The following DLGAP1 variants were observed in gnomAD, a reference collection of about 807,000 sequenced individuals.
DLGAP1 encodes the protein disks large-associated protein 1.
DLGAP1 carries 11 observed loss-of-function variants against 90.8 expected under a neutral mutation model. That is an observed-to-expected ratio of 0.12 (90% CI 0.08 to 0.20). The LOEUF (loss-of-function observed/expected upper bound fraction) is 0.20. Among genes scored for constraint, DLGAP1 ranks in the 10% least tolerant of loss-of-function variants. The pLI, the probability that DLGAP1 is intolerant of heterozygous loss-of-function variation, is 1.00. For synonymous variants in DLGAP1, 558 were observed against 540.7 expected, an observed-to-expected ratio of 1.03 and a Z score of -0.44; for missense variants, 1,050 against 1,333.8, an observed-to-expected ratio of 0.79 and a Z score of 3.31.
chr18:4,148,084 A>G (rs536448885), intron 2 of DLGAP1, among the ~76,000 whole-genome samples: 79 of 152,318 alleles, frequency 5.2e-4, no homozygotes, highest in African/African-American at 1.9e-3. Flanking sequence ...TTATCACTAG[A>G]GACAGAAACT....
rs2082052766 is a variant in DLGAP1, at chr18:4,378,230, G to C, written c.-267+76776C>G. Among the ~76,000 whole-genome samples the C allele has an allele frequency of 6.6e-6, 1 of 151,354 alleles. No individual in the cohort carries two copies. The highest frequency in any genetic ancestry group is 2.1e-4 in the South Asian group (1 of 4,814). Reference sequence around the variant, plus strand: ...AATGGGGGAGGTGTGGAATGGGGAAGCCAGGAAAGAGGTAAGAATAAAAGT... The same window carrying C: ...AATGGGGGAGGTGTGGAATGGGGAACCCAGGAAAGAGGTAAGAATAAAAGT... On this transcript the variant is annotated intron_variant, in intron 1 of 12. Coordinates refer to ENST00000315677, the MANE Select transcript of DLGAP1 (RefSeq NM_004746.4). The surrounding 1 kb of genome is among the most constrained non-coding windows in gnomAD (Gnocchi z 4.5).
chr18:3,743,511 C>T (rs186199162), intron 5 of DLGAP1, among the ~76,000 whole-genome samples: 9 of 151,774 alleles, frequency 5.9e-5, no homozygotes, highest in African/African-American at 4.8e-5. Flanking sequence ...CCTGCCACCA[C>T]GCCTGGCTAT....
chr18:3,684,913 C>G (rs1410774874), intron 7 of DLGAP1, among the ~76,000 whole-genome samples: 1 of 152,194 alleles, frequency 6.6e-6, no homozygotes, highest in Non-Finnish European at 1.5e-5. Flanking sequence ...GATTTGCATA[C>G]AGTGAAAATT....
intron 1 of DLGAP1, among the ~76,000 whole-genome samples, chr18:4,432,590 G>GTGTGTGTA (rs1555617999): frequency 2.1e-4 from 8 of 37,840 alleles, no homozygotes; most frequent in African/African-American, 5.6e-4. Context: ...ACCTCACATA[G>GTGTGTGTA]TGTGTGTGTG....
At chr18:4,338,346 G>A (rs965310544) in intron 1 of DLGAP1, among the ~76,000 whole-genome samples, 57 of 152,160 alleles carry the variant, frequency 3.7e-4, no homozygotes, top group Non-Finnish European at 1.3e-4. Context: ...ATCCAGAAAG[G>A]TGCTGAGTAC....
At chr18:3,814,848 C>T (rs1339534411) in intron 4 of DLGAP1, among the ~76,000 whole-genome samples, 2 of 152,038 alleles carry the variant, frequency 1.3e-5, no homozygotes, top group African/African-American at 2.4e-5. Flanking sequence ...CAAGTATTTT[C>T]TTTTTTTGGT....
intron 1 of DLGAP1, among the ~76,000 whole-genome samples, chr18:4,330,571 T>C (rs770210507): frequency 6.6e-6 from 1 of 151,902 alleles, no homozygotes; most frequent in Non-Finnish European, 1.5e-5. Context: ...AACTTCATTT[T>C]CAGTCAGTTC....
At chr18:4,312,250 A>G (rs553804165) in intron 1 of DLGAP1, among the ~76,000 whole-genome samples, 1 of 152,348 alleles carries the variant, frequency 6.6e-6, no homozygotes, top group East Asian at 1.9e-4. Context: ...AAAAATTGAC[A>G]GGTATTTTAA....
chr18:4,037,786 C>T (rs533097367), intron 2 of DLGAP1, among the ~76,000 whole-genome samples: 8 of 152,232 alleles, frequency 5.3e-5, no homozygotes, highest in Admixed American at 5.2e-4. Flanking sequence ...ATAGTGAAAC[C>T]CCATCTCTAC....
chr18:4,131,644 A>G (rs1398971245), intron 2 of DLGAP1, among the ~76,000 whole-genome samples: 1 of 152,130 alleles, frequency 6.6e-6, no homozygotes, highest in Non-Finnish European at 1.5e-5. Context: ...GCTCAATAAT[A>G]TCTAGAAGAA....
chr18:4,145,456 T>C (rs1404034843), intron 2 of DLGAP1, among the ~76,000 whole-genome samples: 3 of 152,188 alleles, frequency 2.0e-5, no homozygotes, highest in Non-Finnish European at 4.4e-5. Context: ...TGGGCTAAGA[T>C]TGATGAAATA....
chr18:4,421,761 T>C (rs2083040005), intron 1 of DLGAP1, among the ~76,000 whole-genome samples: 2 of 152,124 alleles, frequency 1.3e-5, no homozygotes, highest in African/African-American at 4.8e-5. Context: ...TAGGCTGGAG[T>C]GCAGTAGCGG....
chr18:3,535,050 A>G (rs1226303873), intron 9 of DLGAP1, among the ~76,000 whole-genome samples: 1 of 148,706 alleles, frequency 6.7e-6, no homozygotes, highest in Non-Finnish European at 1.5e-5. Flanking sequence ...GACCATTAGA[A>G]GTCTCATCTT....
At chr18:4,123,723 C>T (rs1227926413) in intron 2 of DLGAP1, among the ~76,000 whole-genome samples, 1 of 151,622 alleles carries the variant, frequency 6.6e-6, no homozygotes, top group Non-Finnish European at 1.5e-5. Flanking sequence ...AGCGGAGGGC[C>T]CTCCTCTCCC....
chr18:3,580,238 CT>C (rs960857083), intron 8 of DLGAP1: 2 of 1,601,310 alleles, frequency 1.2e-6, no homozygotes, highest in Non-Finnish European at 1.7e-6. Flanking sequence ...GGTGAACCAT[CT>C]GAAAAGACCA....
At chr18:4,297,063 A>G (rs1293699738) in intron 1 of DLGAP1, among the ~76,000 whole-genome samples, 1 of 152,236 alleles carries the variant, frequency 6.6e-6, no homozygotes, top group African/African-American at 2.4e-5. Flanking sequence ...TATGCATCCC[A>G]TAATAACTAT....
At chr18:4,207,714 G>A (rs527539966) in intron 1 of DLGAP1, among the ~76,000 whole-genome samples, 221 of 152,194 alleles carry the variant, frequency 1.5e-3, no homozygotes, top group African/African-American at 5.1e-3. Flanking sequence ...CACATGAGCT[G>A]CTTTTAGTCC....
intron 1 of DLGAP1, among the ~76,000 whole-genome samples, chr18:4,285,246 C>T (rs1476686212): frequency 1.3e-5 from 2 of 152,038 alleles, no homozygotes; most frequent in Non-Finnish European, 2.9e-5. Flanking sequence ...AAGTTCACTA[C>T]AATTATTACA....
intron 1 of DLGAP1, among the ~76,000 whole-genome samples, chr18:4,439,513 G>T (rs1789940394): frequency 6.6e-6 from 1 of 152,226 alleles, no homozygotes; most frequent in African/African-American, 2.4e-5. Flanking sequence ...GGGTGATCAA[G>T]AGCAGCATTA....
Sources: gnomAD v4.1 joint callset for allele counts (sites outside exome capture counted in the v4.1 genomes callset) on GRCh38, gnomAD v4.1.1 for gene constraint, Gnocchi (gnomAD v3.1) non-coding constraint, MANE v1.5 for transcripts, NCBI Gene and HGNC (gene_info 2026-07-23, HGNC 2026-07-21) for gene names.